Variants in ELMOD1 observed in about 807,000 individuals in gnomAD.
ELMOD1 encodes ELMO domain-containing protein 1.
A neutral mutation model predicts 46.7 loss-of-function variants in ELMOD1; 21 were observed. The observed-to-expected ratio is 0.45, with a 90% confidence interval of 0.32 to 0.65. ELMOD1 has a LOEUF of 0.65. Ranked by LOEUF, ELMOD1 falls within the 30% of genes least tolerant of loss-of-function variation. The pLI, the probability that ELMOD1 is intolerant of heterozygous loss-of-function variation, is 0.04. For synonymous variants in ELMOD1, 122 were observed against 138.2 expected (o/e 0.88, Z 0.82); for missense variants, 348 against 407.8 (o/e 0.85, Z 1.26).
chr11:107,652,313 A>G (rs1217335148), intron 9 of ELMOD1, among the ~76,000 whole-genome samples: 1 of 152,236 alleles, frequency 6.6e-6, no homozygotes, highest in Non-Finnish European at 1.5e-5. Context: ...ATGACACATT[A>G]CTGCTCTTGT....
In ELMOD1 at chr11:107,660,949, A is replaced by G. The variant is rs182782328; in HGVS notation, c.833-4076A>G. On this transcript the variant is annotated intron_variant, in intron 11 of 11. Coordinates refer to ENST00000265840, the MANE Select transcript of ELMOD1 (RefSeq NM_018712.4). Reference sequence around the variant, plus strand: ...CAATACCTAGTACTGTGTCTGTTTCATATTTGTTCATCGGCAGATGAGTTA... The same window carrying G: ...CAATACCTAGTACTGTGTCTGTTTCGTATTTGTTCATCGGCAGATGAGTTA... Among the ~76,000 whole-genome samples the G allele has an allele frequency of 3.9e-5, 6 of 152,342 alleles. No homozygotes were observed. In the East Asian group the frequency reaches 9.6e-4, roughly 24 times the overall value.
intron 1 of ELMOD1, among the ~76,000 whole-genome samples, chr11:107,610,998 C>CAAAAAA (rs58417281): frequency 1.4e-4 from 13 of 95,752 alleles, no homozygotes; most frequent in Admixed American, 2.3e-4. Flanking sequence ...TGTAAGAATC[C>CAAAAAA]AAAAAAAAAA....
intron 2 of ELMOD1, among the ~76,000 whole-genome samples, 153 bp from the exon 3 acceptor site, chr11:107,630,264 A>T (rs932090428): frequency 2.6e-5 from 4 of 152,226 alleles, no homozygotes; most frequent in African/African-American, 9.6e-5. Flanking sequence ...GCTACTGCAA[A>T]TAAAGTAGCA....
At chr11:107,621,282 G>A (rs1565376377) in intron 2 of ELMOD1, among the ~76,000 whole-genome samples, 1 of 152,098 alleles carries the variant, frequency 6.6e-6, no homozygotes, top group Non-Finnish European at 1.5e-5. Flanking sequence ...GAAAATATCT[G>A]CCAAGCTCAA....
chr11:107,594,210 G>A (rs1018368543), intron 1 of ELMOD1, among the ~76,000 whole-genome samples: 2 of 151,952 alleles, frequency 1.3e-5, no homozygotes, highest in Non-Finnish European at 2.9e-5. Context: ...GGAGTGAGAC[G>A]CCTAGCAGTT....
chr11:107,659,663 GTGGATGGA>G (rs773570377), intron 11 of ELMOD1, among the ~76,000 whole-genome samples: 217 of 90,052 alleles, frequency 2.4e-3, no homozygotes, highest in Middle Eastern at 4.8e-3. Flanking sequence ...GGGTGGGTGG[GTGGATGGA>G]TGGATGGATG....
At chr11:107,621,631 T>A (rs1407995186) in intron 2 of ELMOD1, among the ~76,000 whole-genome samples, 1 of 64,414 alleles carries the variant, frequency 1.6e-5, no homozygotes, top group African/African-American at 3.4e-5. Context: ...GGCACATAGA[T>A]GTTTGAATGC....
intron 1 of ELMOD1, among the ~76,000 whole-genome samples, chr11:107,605,700 T>G (rs1416231720): frequency 6.6e-6 from 1 of 152,242 alleles, no homozygotes; most frequent in Non-Finnish European, 1.5e-5. Flanking sequence ...TAACTCTGGA[T>G]GAGTGTTTTA....
rs139911835 is a variant in ELMOD1 at position 107,627,089 on chromosome 11, G to A, written c.18-3328G>A. On this transcript the variant is annotated intron_variant, in intron 2 of 11. Coordinates refer to ENST00000265840, the MANE Select transcript of ELMOD1 (RefSeq NM_018712.4). ...CACCTGTCAAAACATAATTTGATCT[G>A]ATGATCTGGATTAAAAAAATACAGT... is the stretch of plus-strand genomic sequence containing the variant. Among the ~76,000 whole-genome samples, 6 of 152,252 alleles carry A rather than the reference G, an allele frequency of 3.9e-5. No homozygotes were observed. The East Asian group carries it at 1.2e-3, about 29-fold the overall frequency.
intron 1 of ELMOD1, among the ~76,000 whole-genome samples, chr11:107,604,868 C>G (rs1865660836): frequency 6.6e-6 from 1 of 152,212 alleles, no homozygotes; most frequent in South Asian, 2.1e-4. Flanking sequence ...GCAGAGTACC[C>G]TGCTTGCCTC....
At chr11:107,625,402 C>T in intron 2 of ELMOD1, 1 of 983,108 alleles carries the variant, frequency 1.0e-6, no homozygotes, top group South Asian at 4.7e-5. Context: ...TACAGGATTT[C>T]TTCAAGCAAG....
chr11:107,615,212 T>G (rs1459792159), intron 1 of ELMOD1, among the ~76,000 whole-genome samples: 1 of 147,962 alleles, frequency 6.8e-6, no homozygotes, highest in Non-Finnish European at 1.5e-5. Flanking sequence ...CCTTATACTT[T>G]CCCCTGTTGT....
At chr11:107,633,855 C>A (rs1047211819) in intron 5 of ELMOD1, among the ~76,000 whole-genome samples, 7 of 152,164 alleles carry the variant, frequency 4.6e-5, no homozygotes, top group Non-Finnish European at 8.8e-5. Context: ...GCTATGGTGC[C>A]CTTTCCTAAA....
chr11:107,656,099 G>T (rs1246611985), intron 11 of ELMOD1, 33 bp downstream of exon 11: 3 of 1,548,856 alleles, frequency 1.9e-6, no homozygotes, highest in Admixed American at 2.0e-5. Context: ...ATCAATATAG[G>T]TTTCTACGCT....
chr11:107,629,363 A>C (rs1195082204), intron 2 of ELMOD1, among the ~76,000 whole-genome samples: 2 of 152,216 alleles, frequency 1.3e-5, no homozygotes, highest in Non-Finnish European at 2.9e-5. Flanking sequence ...GAATAAAGAA[A>C]AATCTTTTCC....
At chr11:107,631,403 C>CG (rs1555065984) in intron 4 of ELMOD1, among the ~76,000 whole-genome samples, 177 bp from the exon 5 acceptor site, 3 of 146,994 alleles carry the variant, frequency 2.0e-5, no homozygotes, top group Middle Eastern at 3.5e-3. Context: ...CACTACCCCC[C>CG]CCCCCATCGT....
intron 1 of ELMOD1, among the ~76,000 whole-genome samples, chr11:107,614,136 A>G (rs141019800): frequency 8.3e-4 from 126 of 152,294 alleles, no homozygotes; most frequent in African/African-American, 3.0e-3. Flanking sequence ...GCCGCAGTCA[A>G]TCAATTAACA....
At chr11:107,599,755 A>AAG (rs1555058612) in intron 1 of ELMOD1, among the ~76,000 whole-genome samples, 8 of 138,892 alleles carry the variant, frequency 5.8e-5, no homozygotes, top group African/African-American at 2.4e-4. Flanking sequence ...AAAAAAAGAA[A>AAG]AAAAGAAAAG....
At chr11:107,654,321 C>T in intron 10 of ELMOD1, 99 bp downstream of exon 10, 2 of 1,028,220 alleles carry the variant, frequency 1.9e-6, no homozygotes, top group Non-Finnish European at 1.5e-6. Flanking sequence ...TCTACTTGTC[C>T]TAATAGAAAT....
Sources: allele counts gnomAD v4.1 joint callset (sites outside exome capture counted in the v4.1 genomes callset), GRCh38; gene constraint gnomAD v4.1.1; transcripts MANE v1.5; gene names NCBI Gene and HGNC (gene_info 2026-07-23, HGNC 2026-07-21).